Variants in HS3ST2 observed in about 807,000 individuals in gnomAD.
HS3ST2 encodes heparan sulfate glucosamine 3-O-sulfotransferase 2.
A neutral mutation model predicts 26.3 loss-of-function variants in HS3ST2; 17 were observed. The observed-to-expected ratio is 0.65, with a 90% CI of 0.44 to 0.97. The LOEUF is 0.97. Ranked by LOEUF, HS3ST2 falls within the 50% of genes least tolerant of loss-of-function variation. The probability of loss-of-function intolerance (pLI) is 0.00; values close to 1 mark genes in which losing one functional copy is unlikely to be tolerated. For synonymous variants in HS3ST2, 237 were observed against 219.2 expected (o/e 1.08, Z -0.72); for missense variants, 402 against 501.2 (o/e 0.80, Z 1.89).
At chr16:22,849,946 T>G (rs1348564670) in intron 1 of HS3ST2, among the ~76,000 whole-genome samples, 1 of 152,186 alleles carries the variant, frequency 6.6e-6, no homozygotes, top group Non-Finnish European at 1.5e-5. Context: ...GCTAGGGGAA[T>G]ACAGCGCATT....
intron 1 of HS3ST2, among the ~76,000 whole-genome samples, chr16:22,820,815 T>G (rs1231320911): frequency 6.6e-6 from 1 of 152,240 alleles, no homozygotes; most frequent in African/African-American, 2.4e-5. Flanking sequence ...CTACACACAT[T>G]GTTAAGCCTG....
At chr16:22,851,210 C>A (rs994919030) in intron 1 of HS3ST2, among the ~76,000 whole-genome samples, 7 of 152,162 alleles carry the variant, frequency 4.6e-5, no homozygotes, top group Admixed American at 1.3e-4. Context: ...GGGAATGAGA[C>A]CCCATCTCTT....
At chr16:22,879,359 G>T (rs751533725) in intron 1 of HS3ST2, among the ~76,000 whole-genome samples, 12 of 152,314 alleles carry the variant, frequency 7.9e-5, no homozygotes, top group Admixed American at 2.0e-4. Flanking sequence ...CTGGTATCAC[G>T]AGCCCTCCTG....
chr16:22,820,336 TCCCCTTGGAG>T (rs1470286996), intron 1 of HS3ST2, among the ~76,000 whole-genome samples: 2 of 152,176 alleles, frequency 1.3e-5, no homozygotes, highest in Admixed American at 1.3e-4. Flanking sequence ...TGGTTTCCCT[TCCCCTTGGAG>T]CTGAGAAGGG....
In HS3ST2 at chr16:22,915,886, T is replaced by A. The variant is rs925077324; in HGVS notation, c.*324T>A. The A allele has an allele frequency of 3.3e-6, 1 of 303,008 alleles. No individual in the cohort carries two copies. Among genetic ancestry groups the A allele is most frequent in the Non-Finnish European group, 6.1e-6 (1 of 163,998 alleles). The allele number at this position is 303,008 out of a possible 1,614,324, so 18.8% of individuals were successfully genotyped here. On this transcript the variant is annotated 3_prime_UTR_variant, in exon 2 of 2. Coordinates refer to ENST00000261374, the MANE Select transcript of HS3ST2 (RefSeq NM_006043.2). Reference sequence around the variant, plus strand: ...AATGTTCCAATGATGATAGATATTATAAGCGATGATGGTTCTGTTGCTATG... The same window carrying A: ...AATGTTCCAATGATGATAGATATTAAAAGCGATGATGGTTCTGTTGCTATG...
intron 1 of HS3ST2, among the ~76,000 whole-genome samples, chr16:22,820,706 A>G (rs1344508979): frequency 6.6e-6 from 1 of 152,228 alleles, no homozygotes; most frequent in African/African-American, 2.4e-5. Context: ...GGGAGCTACA[A>G]TTCAAGATGA....
chr16:22,829,698 G>A (rs1901140952), intron 1 of HS3ST2, among the ~76,000 whole-genome samples: 1 of 152,144 alleles, frequency 6.6e-6, no homozygotes, highest in South Asian at 2.1e-4. Context: ...TTCTGCCATG[G>A]CTGTGGGGTA....
At chr16:22,850,593 C>A (rs929465156) in intron 1 of HS3ST2, among the ~76,000 whole-genome samples, 2 of 152,102 alleles carry the variant, frequency 1.3e-5, no homozygotes, top group Non-Finnish European at 2.9e-5. Flanking sequence ...TCGCGATCAG[C>A]CTGGCCAACA....
In HS3ST2 at chr16:22,814,742, G is replaced by A. The variant is rs1326755484; in HGVS notation, c.132G>A (p.Leu44=). 1.9e-6 allele frequency: 3 copies of A among 1,608,590 alleles called. No homozygotes were observed. Among genetic ancestry groups the A allele is most frequent in the Admixed American group, 1.7e-5 (1 of 59,832 alleles). Residue 44 remains leucine, a synonymous_variant, in exon 1 of 2, where the codon CTG becomes CTA. Coordinates refer to ENST00000261374, the MANE Select transcript of HS3ST2 (RefSeq NM_006043.2). The stretch of plus-strand genomic sequence containing the variant: ...GCTTCCTGTGCTGCTGCGACGACCT[G>A]GGTCGGAGCCGCCTCCTCGGCGCGC... ...CYSFLCCCDD[L]GRSRLLGAPR...
At chr16:22,837,636 C>CAT (rs1242032577) in intron 1 of HS3ST2, among the ~76,000 whole-genome samples, 3 of 149,580 alleles carry the variant, frequency 2.0e-5, no homozygotes, top group Non-Finnish European at 4.4e-5. Context: ...CACAAACACA[C>CAT]ACACATATAT....
intron 1 of HS3ST2, among the ~76,000 whole-genome samples, chr16:22,830,875 T>G (rs1280494057): frequency 6.6e-6 from 1 of 152,248 alleles, no homozygotes; most frequent in Non-Finnish European, 1.5e-5. Flanking sequence ...TAACTTTTAC[T>G]CAAATGCATT....
chr16:22,875,790 T>A (rs1901907111), intron 1 of HS3ST2, among the ~76,000 whole-genome samples: 1 of 152,212 alleles, frequency 6.6e-6, no homozygotes, highest in Non-Finnish European at 1.5e-5. Context: ...TCCTGCAAGC[T>A]CCATTCATAG....
chr16:22,862,269 C>T (rs1268864719), intron 1 of HS3ST2, among the ~76,000 whole-genome samples: 1 of 148,842 alleles, frequency 6.7e-6, no homozygotes, highest in Non-Finnish European at 1.5e-5. Context: ...GCAGGCTTCT[C>T]CTCAGCTTTT....
intron 1 of HS3ST2, among the ~76,000 whole-genome samples, chr16:22,820,494 C>A (rs1900976366): frequency 6.6e-6 from 1 of 152,174 alleles, no homozygotes; most frequent in African/African-American, 2.4e-5. Flanking sequence ...GCTGAGGAGG[C>A]CTCACAATCA....
chr16:22,866,933 A>C (rs1901766152), intron 1 of HS3ST2, among the ~76,000 whole-genome samples: 1 of 152,228 alleles, frequency 6.6e-6, no homozygotes, highest in Admixed American at 6.5e-5. Context: ...TAATCTATTC[A>C]TTTTATTCAA....
chr16:22,902,895 T>C (rs552634868), intron 1 of HS3ST2, among the ~76,000 whole-genome samples: 1 of 152,302 alleles, frequency 6.6e-6, no homozygotes, highest in East Asian at 1.9e-4. Flanking sequence ...CCTTTACTTA[T>C]TGATTTGCAA....
At position 22,914,055 on chromosome 16, in the gene HS3ST2, T is replaced by G. The variant is rs565651227; in HGVS notation, c.486-889T>G. On this transcript the variant is annotated intron_variant, in intron 1 of 1. Coordinates refer to ENST00000261374, the MANE Select transcript of HS3ST2 (RefSeq NM_006043.2). Reference sequence around the variant, plus strand: ...TGAGAGATTGAGGTGAGAGGATCAATGGAGCCTGGAGTTCGAGGCTTCAGT... The same window carrying G: ...TGAGAGATTGAGGTGAGAGGATCAAGGGAGCCTGGAGTTCGAGGCTTCAGT... Among the ~76,000 whole-genome samples the G allele has an allele frequency of 4.5e-4, 68 of 151,932 alleles. 1 individual carries two copies. The highest frequency in any genetic ancestry group is 9.2e-4 in the Admixed American group (14 of 15,250).
chr16:22,874,523 G>A (rs1042366143), intron 1 of HS3ST2, among the ~76,000 whole-genome samples: 2 of 152,188 alleles, frequency 1.3e-5, no homozygotes, highest in Admixed American at 6.5e-5. Flanking sequence ...TTCCATGTGT[G>A]TCCTGGCTTG....
chr16:22,829,492 A>G (rs1901138235), intron 1 of HS3ST2, among the ~76,000 whole-genome samples: 1 of 152,170 alleles, frequency 6.6e-6, no homozygotes, highest in African/African-American at 2.4e-5. Context: ...TTTTTTAAAA[A>G]GAAAAAGTTG....
Sources: allele counts gnomAD v4.1 joint callset (sites outside exome capture counted in the v4.1 genomes callset), GRCh38; gene constraint gnomAD v4.1.1; transcripts MANE v1.5; gene names NCBI Gene and HGNC (gene_info 2026-07-23, HGNC 2026-07-21).